Variants in GULP1 observed in about 807,000 individuals in gnomAD.
GULP1 encodes the protein GULP PTB domain containing engulfment adaptor 1.
GULP1 carries 19 observed loss-of-function variants against 40.9 expected under a neutral mutation model. The ratio of observed to expected loss-of-function variants is 0.46; its 90% CI spans 0.32 to 0.68. The LOEUF is 0.68. GULP1 is among the 30% of genes least tolerant of loss of function. The probability of loss-of-function intolerance (pLI) is 0.03; values close to 1 mark genes in which losing one functional copy is unlikely to be tolerated. For missense variants in GULP1, 312 were observed against 362.2 expected (o/e 0.86, Z 1.12); for synonymous variants, 119 against 117.6 (o/e 1.01, Z -0.08).
intron 2 of GULP1, among the ~76,000 whole-genome samples, chr2:188,467,773 G>T (rs576336588): frequency 1.3e-5 from 2 of 152,074 alleles, no homozygotes; most frequent in South Asian, 4.1e-4. Context: ...CATTTTAAAA[G>T]ATATGAAAAA....
intron 7 of GULP1, among the ~76,000 whole-genome samples, chr2:188,549,722 C>A (rs1325130448): frequency 6.6e-6 from 1 of 151,754 alleles, no homozygotes; most frequent in Non-Finnish European, 1.5e-5. Context: ...CCGAAAACTA[C>A]AATCCATCCA....
At chr2:188,360,571 T>C (rs545823168) in intron 1 of GULP1, among the ~76,000 whole-genome samples, 165 of 152,210 alleles carry the variant, frequency 1.1e-3, no homozygotes, top group African/African-American at 3.9e-3. Context: ...GGAAGATTGA[T>C]TTAATTGTCA....
At chr2:188,336,938 T>TCCAAAGA (rs1266552972) in intron 1 of GULP1, among the ~76,000 whole-genome samples, 3 of 152,152 alleles carry the variant, frequency 2.0e-5, no homozygotes, top group African/African-American at 7.2e-5. Context: ...ATGATAATTT[T>TCCAAAGA]TTCATATCTT....
chr2:188,479,243 G>A (rs900713595), intron 3 of GULP1, among the ~76,000 whole-genome samples: 2 of 151,962 alleles, frequency 1.3e-5, no homozygotes, highest in Non-Finnish European at 2.9e-5. Flanking sequence ...TAGATAATGT[G>A]ACCTTTAAGG....
At chr2:188,310,643 A>G (rs1048633012) in intron 1 of GULP1, among the ~76,000 whole-genome samples, 9 of 152,114 alleles carry the variant, frequency 5.9e-5, no homozygotes, top group Non-Finnish European at 1.0e-4. Flanking sequence ...TGGATATACC[A>G]TTTGGAAGTA....
chr2:188,457,908 A>G (rs1205898213), intron 2 of GULP1, among the ~76,000 whole-genome samples: 1 of 152,138 alleles, frequency 6.6e-6, no homozygotes, highest in East Asian at 1.9e-4. Flanking sequence ...GGTCATTATA[A>G]TTGTACAGAA....
intron 2 of GULP1, among the ~76,000 whole-genome samples, chr2:188,405,430 C>T (rs368985571): frequency 6.6e-6 from 1 of 152,116 alleles, no homozygotes; most frequent in East Asian, 1.9e-4. Flanking sequence ...CTAGGCCCAG[C>T]CCTATGGACT....
chr2:188,531,318 C>T (rs1221679460), intron 6 of GULP1, among the ~76,000 whole-genome samples: 1 of 152,144 alleles, frequency 6.6e-6, no homozygotes, highest in Non-Finnish European at 1.5e-5. Context: ...GGAATAGCGA[C>T]ATAAAAATTA....
chr2:188,374,847 G>T (rs2048096450), intron 1 of GULP1, among the ~76,000 whole-genome samples: 1 of 152,058 alleles, frequency 6.6e-6, no homozygotes, highest in African/African-American at 2.4e-5. Flanking sequence ...TGACAGGAAA[G>T]CATAGTGTAT....
chr2:188,424,768 T>A (rs2055936246), intron 2 of GULP1, among the ~76,000 whole-genome samples: 1 of 151,964 alleles, frequency 6.6e-6, no homozygotes, highest in Non-Finnish European at 1.5e-5. Context: ...CCATAATTTT[T>A]TTCTCTCTGT....
In GULP1 at chr2:188,358,375, A is replaced by G. The variant is rs147920832; in HGVS notation, c.-171-25388A>G. Among the ~76,000 whole-genome samples, 657 of 152,286 alleles carry G rather than the reference A, an allele frequency of 4.3e-3. 5 individuals carry two copies. Among genetic ancestry groups the G allele is most frequent in the African/African-American group, 0.015 (622 of 41,564 alleles). On this transcript the variant is annotated intron_variant, in intron 1 of 11. Transcript: ENST00000409830. The stretch of plus-strand genomic sequence containing the variant: ...AGGATAGGGAGTGGTTGGTTCATGA[A>G]TACAAAATTAACAGTTAGATAGAAG...
At chr2:188,465,253 C>T (rs2060017706) in intron 2 of GULP1, among the ~76,000 whole-genome samples, 2 of 152,032 alleles carry the variant, frequency 1.3e-5, no homozygotes, top group African/African-American at 4.8e-5. Flanking sequence ...TGAGTTCTTC[C>T]CTTCAAGGCA....
chr2:188,374,117 T>C (rs2047984167), intron 1 of GULP1, among the ~76,000 whole-genome samples: 1 of 152,118 alleles, frequency 6.6e-6, no homozygotes, highest in African/African-American at 2.4e-5. Context: ...TGAAGGCTCA[T>C]CTGAAATTCC....
chr2:188,507,391 G>A (rs1028029570), intron 4 of GULP1, among the ~76,000 whole-genome samples: 1 of 94,546 alleles, frequency 1.1e-5, no homozygotes, highest in Non-Finnish European at 2.0e-5. Flanking sequence ...AATACCATTT[G>A]TTTTCTTTTT....
intron 1 of GULP1, among the ~76,000 whole-genome samples, chr2:188,305,722 T>C (rs188784921): frequency 4.5e-4 from 68 of 152,366 alleles, no homozygotes; most frequent in Admixed American, 4.3e-3. Context: ...CCTGATTTGA[T>C]TTGTCAGGAT....
intron 2 of GULP1, among the ~76,000 whole-genome samples, chr2:188,431,297 A>C (rs1421786104): frequency 6.6e-6 from 1 of 152,200 alleles, no homozygotes; most frequent in Non-Finnish European, 1.5e-5. Context: ...ACTGGAGGAA[A>C]AAAAAAGTGT....
At chr2:188,505,697 T>C (rs1256916436) in intron 4 of GULP1, among the ~76,000 whole-genome samples, 2 of 151,854 alleles carry the variant, frequency 1.3e-5, no homozygotes, top group African/African-American at 4.8e-5. Context: ...GTCCTATTCA[T>C]ATGGAAGATC....
chr2:188,367,998 TG>T (rs1361875435), intron 1 of GULP1, among the ~76,000 whole-genome samples: 1 of 152,150 alleles, frequency 6.6e-6, no homozygotes, highest in African/African-American at 2.4e-5. Flanking sequence ...CTCTTTCTTT[TG>T]TGTCTCCTTT....
chr2:188,497,264 T>C (rs2062988162), intron 4 of GULP1, among the ~76,000 whole-genome samples: 1 of 152,030 alleles, frequency 6.6e-6, no homozygotes, highest in Admixed American at 6.6e-5. Flanking sequence ...ATGTTATTTA[T>C]TTAGTAAATT....
Sources: gnomAD v4.1 joint callset for allele counts (sites outside exome capture counted in the v4.1 genomes callset) on GRCh38, gnomAD v4.1.1 for gene constraint, MANE v1.5 for transcripts, NCBI Gene and HGNC (gene_info 2026-07-23, HGNC 2026-07-21) for gene names.